Variants in WWOX observed in about 807,000 individuals in gnomAD.
WWOX encodes the protein WW domain containing oxidoreductase, also known as WW domain-containing oxidoreductase.
In WWOX, 69 loss-of-function variants were observed where a neutral mutation model predicts 46.2. The ratio of observed to expected loss-of-function variants is 1.49; its 90% confidence interval spans 1.23 to 1.82. The LOEUF is 1.82. Ranked by LOEUF, WWOX falls within the 40% of genes most tolerant of loss-of-function variation. The probability of loss-of-function intolerance (pLI) is 0.00; values close to 1 mark genes in which losing one functional copy is unlikely to be tolerated. For synonymous variants in WWOX, 359 were observed against 202.6 expected, an observed-to-expected ratio of 1.77 and a Z score of -6.56; for missense variants, 919 against 542.6, an observed-to-expected ratio of 1.69 and a Z score of -6.89.
rs1382924777 is a variant in WWOX at position 78,975,581 on chromosome 16, T to TAC, written c.1057-236023_1057-236022dup. On this transcript the variant is annotated intron_variant, in intron 8 of 8. Coordinates refer to ENST00000566780, the MANE Select transcript of WWOX (RefSeq NM_016373.4). ...GCTGAATGCCTGTTCATGTACCATA[T>TAC]ACACATGGTATATGCCTCGTAAATG... is the stretch of plus-strand genomic sequence containing the variant. Among the ~76,000 whole-genome samples, 23 of 152,034 alleles carry TAC rather than the reference T, an allele frequency of 1.5e-4. 1 individual carries two copies. The highest frequency in any genetic ancestry group is 3.1e-4 in the Non-Finnish European group (21 of 68,022).
chr16:79,005,546 C>T (rs143664932), intron 8 of WWOX, among the ~76,000 whole-genome samples: 14 of 152,286 alleles, frequency 9.2e-5, no homozygotes, highest in East Asian at 1.9e-4. Flanking sequence ...TGCCTCTTCC[C>T]GGCCTGTAGG....
At chr16:78,380,587 C>T (rs1352501533) in intron 5 of WWOX, among the ~76,000 whole-genome samples, 1 of 152,098 alleles carries the variant, frequency 6.6e-6, no homozygotes, top group Non-Finnish European at 1.5e-5. Flanking sequence ...GTGACCACCA[C>T]ATCTTATGCA....
At chr16:78,934,994 C>T (rs781072180) in intron 8 of WWOX, among the ~76,000 whole-genome samples, 2 of 152,042 alleles carry the variant, frequency 1.3e-5, no homozygotes, top group African/African-American at 2.4e-5. Flanking sequence ...CCAACAGACA[C>T]ATGAAAAAAT....
chr16:78,198,238 AG>A (rs2036119057), intron 5 of WWOX, among the ~76,000 whole-genome samples: 1 of 151,862 alleles, frequency 6.6e-6, no homozygotes, highest in Non-Finnish European at 1.5e-5. Flanking sequence ...ATTTTTACAT[AG>A]GACATCCCCA....
At chr16:79,094,232 C>T (rs777488726) in intron 8 of WWOX, among the ~76,000 whole-genome samples, 4 of 151,622 alleles carry the variant, frequency 2.6e-5, no homozygotes, top group South Asian at 2.1e-4. Flanking sequence ...TCTGCATTTC[C>T]TGAGGTTTTT....
At chr16:78,654,492 A>G (rs1292628753) in intron 8 of WWOX, among the ~76,000 whole-genome samples, 1 of 152,226 alleles carries the variant, frequency 6.6e-6, no homozygotes, top group African/African-American at 2.4e-5. Context: ...TATTTTAATA[A>G]AAGTGGCAGA....
At chr16:78,928,050 C>A (rs183732398) in intron 8 of WWOX, among the ~76,000 whole-genome samples, 1 of 152,006 alleles carries the variant, frequency 6.6e-6, no homozygotes, top group Non-Finnish European at 1.5e-5. Context: ...AAAAAAATAT[C>A]ATACTCTCAG....
chr16:78,334,540 T>G (rs183687435), intron 5 of WWOX, among the ~76,000 whole-genome samples: 1 of 152,254 alleles, frequency 6.6e-6, no homozygotes, highest in East Asian at 1.9e-4. Flanking sequence ...ATGCTGTTTT[T>G]CCAGCCATCA....
intron 5 of WWOX, among the ~76,000 whole-genome samples, chr16:78,314,238 C>G (rs1382866043): frequency 1.3e-5 from 2 of 151,686 alleles, no homozygotes; most frequent in Non-Finnish European, 2.9e-5. Flanking sequence ...AACCCCGTCT[C>G]TACTAAAAAT....
At chr16:78,772,052 T>G (rs35171841) in intron 8 of WWOX, among the ~76,000 whole-genome samples, 66,367 of 152,032 alleles carry the variant, frequency 0.44, 15,083 homozygotes, top group Middle Eastern at 0.56. Context: ...TTTTTAACTT[T>G]TATTTTGGGT....
chr16:78,833,252 C>G (rs1054137286), intron 8 of WWOX, among the ~76,000 whole-genome samples: 1 of 152,048 alleles, frequency 6.6e-6, no homozygotes, highest in Non-Finnish European at 1.5e-5. Context: ...TTGCTTTTTT[C>G]TCCAGTCTGG....
intron 8 of WWOX, among the ~76,000 whole-genome samples, chr16:79,032,092 T>C (rs888525598): frequency 1.4e-5 from 2 of 144,634 alleles, no homozygotes; most frequent in African/African-American, 5.0e-5. Flanking sequence ...AAATATATAT[T>C]ATGTATAGAT....
At chr16:78,544,528 T>C (rs1392888778) in intron 8 of WWOX, among the ~76,000 whole-genome samples, 1 of 152,144 alleles carries the variant, frequency 6.6e-6, no homozygotes, top group Non-Finnish European at 1.5e-5. Context: ...CATGCAGAAC[T>C]GTGTGGCATC....
At chr16:79,136,873 A>G (rs894755132) in intron 8 of WWOX, among the ~76,000 whole-genome samples, 7 of 152,224 alleles carry the variant, frequency 4.6e-5, no homozygotes, top group South Asian at 2.1e-4. Context: ...GTTACATGCA[A>G]TATGAAATTA....
chr16:78,995,031 C>T (rs997907260), intron 8 of WWOX, among the ~76,000 whole-genome samples: 8 of 133,426 alleles, frequency 6.0e-5, no homozygotes, highest in African/African-American at 2.2e-4. Context: ...ATGCACAATG[C>T]GCTGAGAAAG....
At chr16:78,857,305 A>C (rs943907452) in intron 8 of WWOX, among the ~76,000 whole-genome samples, 2 of 152,216 alleles carry the variant, frequency 1.3e-5, no homozygotes, top group Non-Finnish European at 2.9e-5. Flanking sequence ...AAATTGAACA[A>C]TGAGATACTG....
At chr16:78,816,722 A>G (rs189682685) in intron 8 of WWOX, among the ~76,000 whole-genome samples, 252 of 152,208 alleles carry the variant, frequency 1.7e-3, no homozygotes, top group African/African-American at 5.4e-3. Flanking sequence ...TCATCTAAAA[A>G]TGAGCAATTG....
intron 8 of WWOX, among the ~76,000 whole-genome samples, chr16:78,734,715 T>G (rs1173539443): frequency 6.6e-6 from 1 of 152,156 alleles, no homozygotes; most frequent in South Asian, 2.1e-4. Context: ...GTCACCTGAT[T>G]ACAGCAGATT....
intron 8 of WWOX, among the ~76,000 whole-genome samples, chr16:78,517,696 C>T (rs1045180351): frequency 6.6e-6 from 1 of 152,030 alleles, no homozygotes; most frequent in African/African-American, 2.4e-5. Flanking sequence ...ATGGAAAGGG[C>T]ATGCGTTGAC....
Sources: allele counts gnomAD v4.1 joint callset (sites outside exome capture counted in the v4.1 genomes callset), GRCh38; gene constraint gnomAD v4.1.1; transcripts MANE v1.5; gene names NCBI Gene and HGNC (gene_info 2026-07-23, HGNC 2026-07-21).